GLIS3: variants seen among roughly 807,000 people sequenced by gnomAD.
The protein encoded by GLIS3 is GLIS family zinc finger 3.
Under a neutral mutation model 78.6 loss-of-function variants are expected in GLIS3, and 53 were observed. The ratio of observed to expected loss-of-function variants is 0.67; its 90% CI spans 0.54 to 0.85. GLIS3 has a LOEUF of 0.85. Ranked by LOEUF, GLIS3 falls within the 40% of genes least tolerant of loss-of-function variation. GLIS3 has a pLI of 0.00. For synonymous variants in GLIS3, 684 were observed against 509.9 expected (o/e 1.34, Z -4.60); for missense variants, 1,703 against 1,231.1 (o/e 1.38, Z -5.74).
the GLIS3 span, among the ~76,000 whole-genome samples, chr9:4,369,793 A>G: frequency 6.6e-6 from 1 of 152,348 alleles, no homozygotes; most frequent in African/African-American, 2.4e-5. Flanking sequence ...AAAAGAGTCT[A>G]TCTAATAGAG....
At chr9:4,290,644 G>A (rs546317089) in intron 1 of GLIS3, among the ~76,000 whole-genome samples, 14 of 152,216 alleles carry the variant, frequency 9.2e-5, no homozygotes, top group African/African-American at 3.1e-4. Flanking sequence ...TAGATCCTAG[G>A]AGTTCATTTA....
At chr9:4,048,050 G>A (rs1456035328) in intron 4 of GLIS3, among the ~76,000 whole-genome samples, 1 of 152,124 alleles carries the variant, frequency 6.6e-6, no homozygotes, top group African/African-American at 2.4e-5. Context: ...GCCTCACTGT[G>A]TTCTCCAATT....
At chr9:4,222,783 TTGTTTAGCAAGTGCATA>T (rs1296063172) in intron 2 of GLIS3, among the ~76,000 whole-genome samples, 1 of 152,198 alleles carries the variant, frequency 6.6e-6, no homozygotes, top group Non-Finnish European at 1.5e-5. Flanking sequence ...CTTAACAAAT[TTGTTTAGCAAGTGCATA>T]TGTTTGAGAT....
the GLIS3 span, among the ~76,000 whole-genome samples, chr9:4,377,850 T>C: frequency 5.3e-5 from 8 of 152,306 alleles, no homozygotes; most frequent in African/African-American, 1.9e-4. Flanking sequence ...ACAGTCGTGA[T>C]CTCTAACCTA....
chr9:4,462,901 A>C, the GLIS3 span, among the ~76,000 whole-genome samples: 1 of 152,174 alleles, frequency 6.6e-6, no homozygotes, highest in Non-Finnish European at 1.5e-5. Flanking sequence ...CATCAATAGA[A>C]ATATTGCACT....
intron 2 of GLIS3, among the ~76,000 whole-genome samples, chr9:4,154,202 C>G (rs1834887360): frequency 6.6e-6 from 1 of 152,114 alleles, no homozygotes; most frequent in Non-Finnish European, 1.5e-5. Context: ...ATGTAATTGG[C>G]CCAAACAGTC....
At chr9:4,427,674 C>T in the GLIS3 span, among the ~76,000 whole-genome samples, 2 of 151,968 alleles carry the variant, frequency 1.3e-5, no homozygotes, top group African/African-American at 2.4e-5. Flanking sequence ...ACCAGGTCAA[C>T]ATGGTGAAAC....
chr9:3,958,814 G>A (rs185031313), intron 4 of GLIS3, among the ~76,000 whole-genome samples: 94 of 152,340 alleles, frequency 6.2e-4, no homozygotes, highest in African/African-American at 2.0e-3. Flanking sequence ...GGAGTTCAAC[G>A]TGCAGAGTGG....
At chr9:4,435,778 T>C in the GLIS3 span, among the ~76,000 whole-genome samples, 2 of 151,828 alleles carry the variant, frequency 1.3e-5, no homozygotes, top group South Asian at 2.1e-4. Flanking sequence ...TGAAACCCTA[T>C]CTCTACTAAA....
chr9:3,941,796 A>C (rs1015012051), intron 4 of GLIS3, among the ~76,000 whole-genome samples: 1 of 152,180 alleles, frequency 6.6e-6, no homozygotes, highest in African/African-American at 2.4e-5. Flanking sequence ...TTAATTAGAA[A>C]GTTTAAGTTA....
At chr9:3,909,255 A>G (rs111865813) in intron 6 of GLIS3, among the ~76,000 whole-genome samples, 14,767 of 152,280 alleles carry the variant, frequency 0.097, 888 homozygotes, top group East Asian at 0.17. Context: ...AATAATTACA[A>G]TGAATTAACC....
At chr9:4,145,458 G>A (rs898965681) in intron 2 of GLIS3, among the ~76,000 whole-genome samples, 7 of 151,404 alleles carry the variant, frequency 4.6e-5, no homozygotes, top group Non-Finnish European at 1.0e-4. Context: ...GATACATATA[G>A]TACAACCAAT....
intron 2 of GLIS3, among the ~76,000 whole-genome samples, chr9:4,163,244 GCA>G (rs59165297): frequency 0.021 from 3,195 of 151,636 alleles, 111 homozygotes; most frequent in African/African-American, 0.07. Context: ...ATGTGCACTG[GCA>G]CACACACACA....
chr9:4,366,758 G>C, the GLIS3 span, among the ~76,000 whole-genome samples: 1 of 152,212 alleles, frequency 6.6e-6, no homozygotes, highest in Non-Finnish European at 1.5e-5. Flanking sequence ...ATATGGTTGG[G>C]CACAGAGAGC....
chr9:3,968,573 A>G (rs568937747), intron 4 of GLIS3, among the ~76,000 whole-genome samples: 2 of 152,274 alleles, frequency 1.3e-5, no homozygotes, highest in South Asian at 2.1e-4. Flanking sequence ...AAGCTAAGGT[A>G]TTGTATTTTT....
At chr9:4,364,757 T>TTTTTTC in the GLIS3 span, among the ~76,000 whole-genome samples, 1 of 7,794 alleles carries the variant, frequency 1.3e-4, no homozygotes, top group East Asian at 3.4e-3. Flanking sequence ...CATGTATTGC[T>TTTTTTC]TTTTTTTTTT....
At position 4,143,091 on chromosome 9, in the gene GLIS3, G is replaced by C. The variant is rs574887945; in HGVS notation, c.389-17150C>G. 2.1e-3 allele frequency among the ~76,000 whole-genome samples: 312 copies of C among 152,120 alleles called. 1 individual carries two copies. Among genetic ancestry groups the C allele is most frequent in the Non-Finnish European group, 3.6e-3 (246 of 68,006 alleles). ...ATGTGTCTTTTTTCAGCTTTTACTG[G>C]AGCATAAATGACAAGCAGAAACTGT... is the stretch of plus-strand genomic sequence containing the variant. On this transcript the variant is annotated intron_variant, in intron 2 of 10. Coordinates refer to ENST00000381971, the MANE Select transcript of GLIS3 (RefSeq NM_001042413.2).
At chr9:4,240,691 A>G (rs1039889293) in intron 2 of GLIS3, among the ~76,000 whole-genome samples, 1 of 152,222 alleles carries the variant, frequency 6.6e-6, no homozygotes, top group Non-Finnish European at 1.5e-5. Flanking sequence ...GGAATGAGAC[A>G]ACTATGTAAC....
At chr9:3,982,715 C>A (rs983069861) in intron 4 of GLIS3, among the ~76,000 whole-genome samples, 1 of 152,180 alleles carries the variant, frequency 6.6e-6, no homozygotes, top group Non-Finnish European at 1.5e-5. Context: ...TTTTAGCCAA[C>A]AGATAGTTTC....
Sources: gnomAD v4.1 joint callset for allele counts (sites outside exome capture counted in the v4.1 genomes callset) on GRCh38, gnomAD v4.1.1 for gene constraint, MANE v1.5 for transcripts, NCBI Gene and HGNC (gene_info 2026-07-23, HGNC 2026-07-21) for gene names.